LRFN5: variants seen among roughly 807,000 people sequenced by gnomAD.
LRFN5 encodes leucine-rich repeat and fibronectin type-III domain-containing protein 5.
In LRFN5, 24 loss-of-function variants were observed where a neutral mutation model predicts 45.6. That is an observed-to-expected ratio of 0.53 (90% confidence interval 0.38 to 0.74). The LOEUF (loss-of-function observed/expected upper bound fraction) is 0.74. Among genes scored for constraint, LRFN5 ranks in the 30% least tolerant of loss-of-function variants. The probability of loss-of-function intolerance (pLI) is 0.00; values close to 1 mark genes in which losing one functional copy is unlikely to be tolerated. For missense variants in LRFN5, 776 were observed against 861.5 expected (o/e 0.90, Z 1.24); for synonymous variants, 340 against 313.8 (o/e 1.08, Z -0.88).
intron 1 of LRFN5, among the ~76,000 whole-genome samples, chr14:41,609,323 G>T (rs8009036): frequency 0.014 from 1,882 of 136,330 alleles, 12 homozygotes; most frequent in East Asian, 0.05. Context: ...GCGTTTTTTT[G>T]TTGTTGTTGT....
At chr14:41,609,287 C>T (rs1878445777) in intron 1 of LRFN5, among the ~76,000 whole-genome samples, 3 of 152,078 alleles carry the variant, frequency 2.0e-5, no homozygotes, top group Admixed American at 6.5e-5. Flanking sequence ...TGTATTGTCC[C>T]CGTCACGGAC....
chr14:41,676,964 T>C (rs1881660477), intron 1 of LRFN5, among the ~76,000 whole-genome samples: 1 of 152,150 alleles, frequency 6.6e-6, no homozygotes, highest in Non-Finnish European at 1.5e-5. Context: ...AAATGAAAAC[T>C]TTCTGATATG....
At chr14:41,716,519 G>C (rs1193527072) in intron 1 of LRFN5, among the ~76,000 whole-genome samples, 1 of 152,010 alleles carries the variant, frequency 6.6e-6, no homozygotes, top group East Asian at 1.9e-4. Flanking sequence ...CTAGGGCAGG[G>C]GCAAAATGCT....
chr14:41,756,329 G>A (rs1885380312), intron 1 of LRFN5, among the ~76,000 whole-genome samples: 1 of 152,160 alleles, frequency 6.6e-6, no homozygotes, highest in African/African-American at 2.4e-5. Flanking sequence ...CTAGATTGGG[G>A]AAGTTCTCCT....
chr14:41,689,854 C>A (rs1176959212), intron 1 of LRFN5, among the ~76,000 whole-genome samples: 5 of 139,692 alleles, frequency 3.6e-5, no homozygotes, highest in African/African-American at 1.3e-4. Flanking sequence ...GAGATTGCGC[C>A]ACTGCACTTC....
chr14:41,708,839 G>A (rs138879879), intron 1 of LRFN5, among the ~76,000 whole-genome samples: 26 of 151,866 alleles, frequency 1.7e-4, no homozygotes, highest in African/African-American at 5.5e-4. Flanking sequence ...CATAGATAGC[G>A]TTGTGTACTT....
intron 1 of LRFN5, among the ~76,000 whole-genome samples, chr14:41,765,424 C>T (rs1032221534): frequency 5.3e-5 from 8 of 149,894 alleles, no homozygotes; most frequent in Non-Finnish European, 8.9e-5. Flanking sequence ...AATTTACAAA[C>T]GCACACACAT....
chr14:41,622,222 ACTT>A lies in LRFN5; in HGVS notation c.-197+13663_-197+13665del, dbSNP rs563859096. On this transcript the variant is annotated intron_variant, in intron 1 of 5. Transcript: ENST00000298119. The stretch of plus-strand genomic sequence containing the variant: ...TCAAAAGCCAATATACCTTTAGTGA[ACTT>A]CTGATATTTTGGTTTGATAATTAGT... Among the ~76,000 whole-genome samples, 5 of 151,904 alleles carry A rather than the reference ACTT, an allele frequency of 3.3e-5. No homozygotes were observed. In the South Asian group the frequency reaches 1.0e-3, roughly 32 times the overall value.
chr14:41,807,118 C>T (rs1480638080), intron 2 of LRFN5, among the ~76,000 whole-genome samples: 1 of 152,104 alleles, frequency 6.6e-6, no homozygotes, highest in African/African-American at 2.4e-5. Flanking sequence ...AAATAAGATA[C>T]ATTCTGTAAG....
chr14:41,873,669 G>A (rs990848485), intron 2 of LRFN5, among the ~76,000 whole-genome samples: 2 of 152,002 alleles, frequency 1.3e-5, no homozygotes, highest in Admixed American at 6.6e-5. Flanking sequence ...TTTTCTGATA[G>A]AGATAACTAG....
chr14:41,724,520 G>C (rs1443198733), intron 1 of LRFN5, among the ~76,000 whole-genome samples: 1 of 151,998 alleles, frequency 6.6e-6, no homozygotes, highest in Non-Finnish European at 1.5e-5. Flanking sequence ...ATTTGCATTT[G>C]AGATCTAAAA....
rs112082792 is a variant in LRFN5, at chr14:41,758,957, A to G, written c.-196-7897A>G. ...TGATTTTTCCTCATTTGCAGTTAAA[A>G]ATGTAATTTGTTGTATGTAGGTGAA... On this transcript the variant is annotated intron_variant, in intron 1 of 5. Coordinates refer to ENST00000298119, the MANE Select transcript of LRFN5 (RefSeq NM_152447.5). Among the ~76,000 whole-genome samples the G allele has an allele frequency of 9.3e-3, 1,410 of 152,234 alleles. 22 individuals are homozygous for G. The highest frequency in any genetic ancestry group is 0.033 in the African/African-American group (1,351 of 41,544).
rs553071573 is a variant in LRFN5 at position 41,645,221 on chromosome 14, A to G, written c.-197+36659A>G. 8.5e-5 allele frequency among the ~76,000 whole-genome samples: 13 copies of G among 152,262 alleles called. No homozygotes were observed. The South Asian group carries it at 2.3e-3, about 27-fold the overall frequency. On this transcript the variant is annotated intron_variant, in intron 1 of 5. Transcript: ENST00000298119. The stretch of plus-strand genomic sequence containing the variant: ...AGGAAATGCTCAATGACTAGTAGCA[A>G]TGTTACCTGTTGATTGATTGATCGA...
At position 41,691,073 on chromosome 14, in the gene LRFN5, G is replaced by A. The variant is rs186869838; in HGVS notation, c.-196-75781G>A. Among the ~76,000 whole-genome samples, 577 of 151,988 alleles carry A rather than the reference G, an allele frequency of 3.8e-3. 9 individuals carry two copies. The highest frequency in any genetic ancestry group is 0.013 in the African/African-American group (550 of 41,504). ...GTCTGTTTATAGAGACAGATTTTGA[G>A]TTTGCTGTTTTCTCTGTTGAGCATT... On this transcript the variant is annotated intron_variant, in intron 1 of 5. Coordinates refer to ENST00000298119, the MANE Select transcript of LRFN5 (RefSeq NM_152447.5).
chr14:41,886,200 C>G (rs1413906010), intron 2 of LRFN5, among the ~76,000 whole-genome samples: 1 of 151,834 alleles, frequency 6.6e-6, no homozygotes, highest in Non-Finnish European at 1.5e-5. Flanking sequence ...TCAAATATGC[C>G]TCTAATTTTT....
intron 2 of LRFN5, among the ~76,000 whole-genome samples, chr14:41,864,952 A>T (rs17112338): frequency 0.057 from 8,602 of 152,062 alleles, 896 homozygotes; most frequent in East Asian, 0.48. Context: ...GACTTAGTTA[A>T]TTACTTTGCC....
At chr14:41,772,741 G>C (rs1886135441) in intron 2 of LRFN5, among the ~76,000 whole-genome samples, 1 of 152,020 alleles carries the variant, frequency 6.6e-6, no homozygotes, top group Non-Finnish European at 1.5e-5. Context: ...CATTCTTCTG[G>C]TGTTCTTGAG....
chr14:41,884,214 A>T (rs1890486144), intron 2 of LRFN5, among the ~76,000 whole-genome samples: 2 of 152,214 alleles, frequency 1.3e-5, no homozygotes, highest in African/African-American at 4.8e-5. Context: ...TTGTAGAATT[A>T]ATTTTTAACT....
rs954709925 is a variant in LRFN5, at chr14:41,892,835, C to T, written c.2098+873C>T. On this transcript the variant is annotated intron_variant, in intron 4 of 5. Coordinates refer to ENST00000298119, the MANE Select transcript of LRFN5 (RefSeq NM_152447.5). ...GTTTTCAGTCACAGGCTACAAATTC[C>T]TATGCATCTACATGGACATATGAAG... 5.1e-6 allele frequency: 5 copies of T among 985,122 alleles called. 1 individual carries two copies. Among genetic ancestry groups the T allele is most frequent in the South Asian group, 9.4e-5 (2 of 21,280 alleles). 61.0% of individuals were successfully genotyped at this position (985,122 alleles called of 1,614,324 possible). A position where few individuals can be genotyped will look rare whatever the true frequency, so the allele number is the denominator to read the frequency against.
Sources: allele counts gnomAD v4.1 joint callset (sites outside exome capture counted in the v4.1 genomes callset), GRCh38; gene constraint gnomAD v4.1.1; transcripts MANE v1.5; gene names NCBI Gene and HGNC (gene_info 2026-07-23, HGNC 2026-07-21).